ATOSA: variants seen among roughly 807,000 people sequenced by gnomAD.
The protein encoded by ATOSA is atos homolog A, also known as atos homolog protein A.
At chr15:52,631,687 A>C in the ATOSA span, among the ~76,000 whole-genome samples, 1 of 152,210 alleles carries the variant, frequency 6.6e-6, no homozygotes, top group Non-Finnish European at 1.5e-5. Context: ...CTCAAACTGA[A>C]AGCTACTGAC....
the ATOSA span, among the ~76,000 whole-genome samples, chr15:52,625,266 A>G: frequency 6.6e-6 from 1 of 152,100 alleles, no homozygotes; most frequent in East Asian, 1.9e-4. Context: ...GTCATTTTAT[A>G]TACCATGAAA....
the ATOSA span, among the ~76,000 whole-genome samples, chr15:52,604,865 GT>G: frequency 6.6e-6 from 1 of 151,958 alleles, no homozygotes; most frequent in Admixed American, 6.6e-5. Flanking sequence ...GATGGTTTTT[GT>G]TTTTTTCACA....
chr15:52,605,477 G>A, the ATOSA span, among the ~76,000 whole-genome samples: 1 of 151,938 alleles, frequency 6.6e-6, no homozygotes, highest in Non-Finnish European at 1.5e-5. Context: ...TACTTTACTG[G>A]TTAATCACCC....
the ATOSA span, among the ~76,000 whole-genome samples, chr15:52,583,739 T>C: frequency 3.9e-5 from 6 of 152,236 alleles, no homozygotes; most frequent in Non-Finnish European, 5.9e-5. Flanking sequence ...AGATTTTTCA[T>C]TCCCACAATC....
chr15:52,693,194 T>C, the ATOSA span, among the ~76,000 whole-genome samples: 1 of 151,822 alleles, frequency 6.6e-6, no homozygotes, highest in Non-Finnish European at 1.5e-5. Flanking sequence ...CCAAGGCGGG[T>C]GGATCACTTG....
chr15:52,613,533 G>C, the ATOSA span: 1 of 1,001,602 alleles, frequency 1.0e-6, no homozygotes, highest in Non-Finnish European at 1.4e-6. Context: ...CTATGGTCCA[G>C]GATTTGGATT....
the ATOSA span, among the ~76,000 whole-genome samples, chr15:52,683,867 C>T: frequency 6.6e-6 from 1 of 152,184 alleles, no homozygotes. Flanking sequence ...TACATGAGAT[C>T]CCTCCCCAAC....
chr15:52,593,634 G>C, the ATOSA span: 1 of 1,569,274 alleles, frequency 6.4e-7, no homozygotes, highest in Non-Finnish European at 8.6e-7. Context: ...ACTTCAACTG[G>C]AAGAGTCAAA....
chr15:52,617,831 G>A, the ATOSA span, among the ~76,000 whole-genome samples: 1 of 149,442 alleles, frequency 6.7e-6, no homozygotes, highest in African/African-American at 2.4e-5. Flanking sequence ...AATAATAAAA[G>A]ATGTAAAATT....
chr15:52,689,675 A>G, the ATOSA span, among the ~76,000 whole-genome samples: 4 of 152,178 alleles, frequency 2.6e-5, no homozygotes, highest in Non-Finnish European at 2.9e-5. Flanking sequence ...GCAACCCTCT[A>G]TAGGCTGGCA....
the ATOSA span, among the ~76,000 whole-genome samples, chr15:52,642,669 A>G: frequency 6.6e-6 from 1 of 152,038 alleles, no homozygotes; most frequent in African/African-American, 2.4e-5. Context: ...CCTCTCTCTC[A>G]CTTATTTCCA....
the ATOSA span, among the ~76,000 whole-genome samples, chr15:52,645,064 T>C: frequency 6.6e-6 from 1 of 152,232 alleles, no homozygotes; most frequent in Non-Finnish European, 1.5e-5. Context: ...CCAGAGGCAA[T>C]GGGAGAATAA....
the ATOSA span, among the ~76,000 whole-genome samples, chr15:52,680,586 A>C: frequency 7.9e-4 from 120 of 152,326 alleles, no homozygotes; most frequent in African/African-American, 2.6e-3. Flanking sequence ...GAAATATTTA[A>C]AAAGTAACAT....
the ATOSA span, among the ~76,000 whole-genome samples, chr15:52,591,151 C>A: frequency 2.6e-5 from 4 of 152,194 alleles, no homozygotes; most frequent in Non-Finnish European, 4.4e-5. Context: ...TGATTTTCAG[C>A]CAGTTTACTC....
chr15:52,677,764 T>A, the ATOSA span, among the ~76,000 whole-genome samples: 2 of 152,232 alleles, frequency 1.3e-5, no homozygotes, highest in East Asian at 3.8e-4. Flanking sequence ...TTTACTTTCA[T>A]TTTGAGATAC....
the ATOSA span, chr15:52,608,625 T>C: frequency 1.2e-6 from 2 of 1,608,478 alleles, no homozygotes; most frequent in East Asian, 2.2e-5. Flanking sequence ...TTATACTTCT[T>C]CTCTGAGAAT....
At chr15:52,597,238 C>G in the ATOSA span, among the ~76,000 whole-genome samples, 1 of 23,272 alleles carries the variant, frequency 4.3e-5, no homozygotes, top group African/African-American at 1.3e-4. Context: ...CTATTCTATT[C>G]TATTCTATTC....
the ATOSA span, among the ~76,000 whole-genome samples, chr15:52,637,215 C>A: frequency 2.0e-5 from 3 of 151,924 alleles, no homozygotes; most frequent in African/African-American, 7.3e-5. Context: ...TGAAGTACAT[C>A]AAAGACTGAA....
the ATOSA span, among the ~76,000 whole-genome samples, chr15:52,648,381 T>C: frequency 1.3e-5 from 2 of 152,170 alleles, no homozygotes; most frequent in African/African-American, 2.4e-5. Flanking sequence ...GTACATGTGA[T>C]ATTTTAACAC....
Sources: allele counts gnomAD v4.1 joint callset (sites outside exome capture counted in the v4.1 genomes callset), GRCh38; gene constraint gnomAD v4.1.1; transcripts MANE v1.5; gene names NCBI Gene and HGNC (gene_info 2026-07-23, HGNC 2026-07-21).